The following ADAMTSL3 variants were observed in gnomAD, a reference collection of about 807,000 sequenced individuals.
ADAMTSL3 encodes ADAMTS-like protein 3.
ADAMTSL3 carries 128 observed loss-of-function variants against 201.7 expected under a neutral mutation model. The ratio of observed to expected loss-of-function variants is 0.63; its 90% CI spans 0.55 to 0.73. The LOEUF is 0.73. Among genes scored for constraint, ADAMTSL3 ranks in the 30% least tolerant of loss-of-function variants. The probability of loss-of-function intolerance (pLI) is 0.00; values close to 1 mark genes in which losing one functional copy is unlikely to be tolerated. For synonymous variants in ADAMTSL3, 738 were observed against 748.4 expected, an observed-to-expected ratio of 0.99 and a Z score of 0.23; for missense variants, 1,990 against 2,119.6, an observed-to-expected ratio of 0.94 and a Z score of 1.20.
At chr15:83,945,210 C>A (rs1479810050) in intron 19 of ADAMTSL3, among the ~76,000 whole-genome samples, 1 of 152,134 alleles carries the variant, frequency 6.6e-6, no homozygotes, top group Admixed American at 6.5e-5. Context: ...TCACAAGCAG[C>A]TGGAGACAGT....
At chr15:83,801,046 A>G (rs1238503345) in intron 4 of ADAMTSL3, among the ~76,000 whole-genome samples, 1 of 152,094 alleles carries the variant, frequency 6.6e-6, no homozygotes, top group Non-Finnish European at 1.5e-5. Flanking sequence ...ATTTTTTTCT[A>G]CCATCCTCCC....
intron 15 of ADAMTSL3, among the ~76,000 whole-genome samples, chr15:83,909,657 C>T (rs2065898324): frequency 6.6e-6 from 1 of 151,982 alleles, no homozygotes; most frequent in Admixed American, 6.6e-5. Context: ...CTGTGTTGCC[C>T]AGGCTGGAGT....
chr15:83,773,126 T>C (rs1175310907), intron 3 of ADAMTSL3, among the ~76,000 whole-genome samples: 3 of 152,128 alleles, frequency 2.0e-5, no homozygotes, highest in Non-Finnish European at 4.4e-5. Flanking sequence ...CATTTTTGGG[T>C]AACATTGGTC....
At chr15:83,702,469 A>T (rs1283561013) in intron 2 of ADAMTSL3, among the ~76,000 whole-genome samples, 1 of 152,166 alleles carries the variant, frequency 6.6e-6, no homozygotes, top group East Asian at 1.9e-4. Context: ...CTGGAGGCCC[A>T]AGAGGAAAAA....
At chr15:83,655,070 C>A (rs1451445220) in intron 1 of ADAMTSL3, among the ~76,000 whole-genome samples, 1 of 152,118 alleles carries the variant, frequency 6.6e-6, no homozygotes, top group South Asian at 2.1e-4. Context: ...GGAAAAAGTC[C>A]CCGCTTCCCT....
At chr15:83,763,268 C>T (rs950288640) in intron 3 of ADAMTSL3, among the ~76,000 whole-genome samples, 2 of 152,188 alleles carry the variant, frequency 1.3e-5, no homozygotes, top group Non-Finnish European at 2.9e-5. Context: ...GAAAATAATA[C>T]GAATCCTCAC....
chr15:83,686,455 G>C (rs2061537252), intron 2 of ADAMTSL3, among the ~76,000 whole-genome samples: 1 of 152,198 alleles, frequency 6.6e-6, no homozygotes, highest in South Asian at 2.1e-4. Flanking sequence ...GCACAACATT[G>C]CAGTTAGAAC....
chr15:83,845,325 C>T (rs2064474743), intron 7 of ADAMTSL3, among the ~76,000 whole-genome samples: 1 of 152,208 alleles, frequency 6.6e-6, no homozygotes, highest in East Asian at 1.9e-4. Flanking sequence ...ATTCCTAGTG[C>T]TAGTGCAGTA....
chr15:83,843,312 G>T (rs1318933027), intron 7 of ADAMTSL3, among the ~76,000 whole-genome samples: 1 of 152,040 alleles, frequency 6.6e-6, no homozygotes, highest in South Asian at 2.1e-4. Flanking sequence ...TCAGTGCAGG[G>T]CATGAGTGAC....
At chr15:83,706,897 G>A (rs2061860457) in intron 3 of ADAMTSL3, among the ~76,000 whole-genome samples, 1 of 151,910 alleles carries the variant, frequency 6.6e-6, no homozygotes, top group Non-Finnish European at 1.5e-5. Context: ...TCAAACTCCT[G>A]GGCTCAAGCG....
intron 3 of ADAMTSL3, among the ~76,000 whole-genome samples, chr15:83,759,453 C>T (rs1364566381): frequency 1.3e-5 from 2 of 152,176 alleles, no homozygotes; most frequent in Non-Finnish European, 2.9e-5. Flanking sequence ...TCTTGATCTC[C>T]TGACCTCATG....
chr15:83,755,073 C>T (rs1213106201), intron 3 of ADAMTSL3, among the ~76,000 whole-genome samples: 4 of 152,076 alleles, frequency 2.6e-5, no homozygotes, highest in South Asian at 2.1e-4. Flanking sequence ...AAATGCTCAC[C>T]ACCATTCCTT....
intron 17 of ADAMTSL3, among the ~76,000 whole-genome samples, chr15:83,927,027 A>AT (rs1259228745): frequency 6.6e-6 from 1 of 152,168 alleles, no homozygotes; most frequent in East Asian, 1.9e-4. Flanking sequence ...TCCTTCAGAA[A>AT]TACTGCTTTC....
intron 17 of ADAMTSL3, among the ~76,000 whole-genome samples, chr15:83,935,547 C>CAG (rs56941474): frequency 0.78 from 117,568 of 151,622 alleles, 45,713 homozygotes; most frequent in African/African-American, 0.82. Flanking sequence ...AAATCCCAAA[C>CAG]GGGAAAAAAA....
intron 25 of ADAMTSL3, 115 bp from the exon 26 acceptor site, chr15:84,021,295 C>A: frequency 9.2e-7 from 1 of 1,081,234 alleles, no homozygotes; most frequent in Non-Finnish European, 1.4e-6. Flanking sequence ...GCTTTCTCTC[C>A]ATATGCTACT....
At chr15:83,669,879 T>A in intron 2 of ADAMTSL3, among the ~76,000 whole-genome samples, 1 of 152,058 alleles carries the variant, frequency 6.6e-6, no homozygotes, top group East Asian at 1.9e-4. Flanking sequence ...ACAACCCTCA[T>A]AAATGAAATT....
intron 19 of ADAMTSL3, among the ~76,000 whole-genome samples, chr15:83,947,506 A>G (rs780929098): frequency 6.6e-6 from 1 of 152,198 alleles, no homozygotes; most frequent in Non-Finnish European, 1.5e-5. Flanking sequence ...ATATCAGGCA[A>G]TCTTCCCAAA....
At chr15:83,655,923 A>G in intron 2 of ADAMTSL3, 93 bp downstream of exon 2, 1 of 1,298,562 alleles carries the variant, frequency 7.7e-7, no homozygotes, top group South Asian at 1.3e-5. Flanking sequence ...TGGCATGATT[A>G]GTGTTAATCC....
intron 2 of ADAMTSL3, among the ~76,000 whole-genome samples, chr15:83,670,082 A>C (rs1291743696): frequency 6.6e-6 from 1 of 151,654 alleles, no homozygotes; most frequent in Non-Finnish European, 1.5e-5. Context: ...ACATGGTGAA[A>C]TCTCATCTCT....
Sources: gnomAD v4.1 joint callset for allele counts (sites outside exome capture counted in the v4.1 genomes callset) on GRCh38, gnomAD v4.1.1 for gene constraint, MANE v1.5 for transcripts, NCBI Gene and HGNC (gene_info 2026-07-23, HGNC 2026-07-21) for gene names.